Variants in MCTP1 observed in about 807,000 individuals in gnomAD.
The protein encoded by MCTP1 is multiple C2 and transmembrane domain containing 1.
A neutral mutation model predicts 120.6 loss-of-function variants in MCTP1; 69 were observed. The observed-to-expected ratio is 0.57, with a 90% CI of 0.47 to 0.70. MCTP1 has a LOEUF of 0.70. MCTP1 is among the 30% of genes least tolerant of loss of function. MCTP1 has a pLI of 0.00. For synonymous variants in MCTP1, 529 were observed against 493.1 expected, an observed-to-expected ratio of 1.07 and a Z score of -0.96; for missense variants, 1,203 against 1,248.8, an observed-to-expected ratio of 0.96 and a Z score of 0.55.
At chr5:95,240,232 A>G (rs975283057) in intron 1 of MCTP1, among the ~76,000 whole-genome samples, 22 of 152,266 alleles carry the variant, frequency 1.4e-4, no homozygotes, top group African/African-American at 5.1e-4. Flanking sequence ...ACATAAAAAT[A>G]ACATAAGGCT....
At chr5:95,044,777 G>A (rs945749263) in intron 1 of MCTP1, among the ~76,000 whole-genome samples, 3 of 151,660 alleles carry the variant, frequency 2.0e-5, no homozygotes, top group Admixed American at 6.6e-5. Flanking sequence ...CTTGCAAAAC[G>A]TGTCTTCACT....
intron 1 of MCTP1, among the ~76,000 whole-genome samples, chr5:95,129,224 C>A (rs1469319676): frequency 5.3e-5 from 8 of 152,130 alleles, no homozygotes; most frequent in Admixed American, 2.0e-4. Context: ...GCACTGGGGG[C>A]AAAAATCAAG....
intron 2 of MCTP1, among the ~76,000 whole-genome samples, chr5:94,971,088 T>C (rs1432755154): frequency 1.3e-5 from 2 of 152,116 alleles, no homozygotes; most frequent in Non-Finnish European, 2.9e-5. Context: ...TCTACATGTC[T>C]ACAAGAACTA....
At chr5:94,764,343 A>G (rs1475648622) in intron 19 of MCTP1, among the ~76,000 whole-genome samples, 2 of 152,208 alleles carry the variant, frequency 1.3e-5, no homozygotes, top group Non-Finnish European at 2.9e-5. Context: ...AACCTAATTG[A>G]TAAGAGCCCA....
At chr5:95,119,369 A>G (rs921722820) in intron 1 of MCTP1, among the ~76,000 whole-genome samples, 3 of 152,164 alleles carry the variant, frequency 2.0e-5, no homozygotes, top group African/African-American at 7.2e-5. Context: ...ACCAAAACCT[A>G]TGGGATACAG....
At chr5:94,958,457 TA>T (rs201827581) in intron 2 of MCTP1, among the ~76,000 whole-genome samples, 2 of 151,966 alleles carry the variant, frequency 1.3e-5, no homozygotes, top group Non-Finnish European at 2.9e-5. Flanking sequence ...GAAAAACCCT[TA>T]AAAAAATCAA....
chr5:94,840,793 A>G (rs1271824024), intron 17 of MCTP1, among the ~76,000 whole-genome samples: 1 of 152,202 alleles, frequency 6.6e-6, no homozygotes, highest in Non-Finnish European at 1.5e-5. Context: ...CTAGACAACA[A>G]TATCTCCTAA....
At chr5:95,214,212 A>C (rs1468761011) in intron 1 of MCTP1, among the ~76,000 whole-genome samples, 1 of 152,294 alleles carries the variant, frequency 6.6e-6, no homozygotes, top group African/African-American at 2.4e-5. Flanking sequence ...AAGGATATGA[A>C]CAGACACTTC....
intron 8 of MCTP1, among the ~76,000 whole-genome samples, chr5:94,917,190 A>G (rs1274406116): frequency 1.3e-5 from 2 of 152,220 alleles, no homozygotes; most frequent in African/African-American, 2.4e-5. Context: ...TCACTTATTG[A>G]GCACCTAAAG....
intron 1 of MCTP1, among the ~76,000 whole-genome samples, chr5:95,187,357 A>G (rs1749319418): frequency 6.6e-6 from 1 of 152,176 alleles, no homozygotes; most frequent in Non-Finnish European, 1.5e-5. Flanking sequence ...ACCCAGAAAG[A>G]CAAACATCAT....
chr5:95,052,812 AATT>A (rs1746357364), intron 1 of MCTP1, among the ~76,000 whole-genome samples: 1 of 152,206 alleles, frequency 6.6e-6, no homozygotes, highest in Admixed American at 6.5e-5. Context: ...TAAACGTTTA[AATT>A]TCATTAAGCT....
rs531185665 is a variant in MCTP1, at chr5:95,043,694, T to A, written c.721-26210A>T. Among the ~76,000 whole-genome samples, 13 of 152,334 alleles carry A rather than the reference T, an allele frequency of 8.5e-5. No individual in the cohort carries two copies. The South Asian group carries it at 1.9e-3, about 22-fold the overall frequency. ...TAATTACTAGTGAGACTGTCTTTCCTGTCTATTTGCCATTAATCTGTATTT... is the reference window on the plus strand; with the variant it reads ...TAATTACTAGTGAGACTGTCTTTCCAGTCTATTTGCCATTAATCTGTATTT... On this transcript the variant is annotated intron_variant, in intron 1 of 22. Coordinates refer to ENST00000515393, the MANE Select transcript of MCTP1 (RefSeq NM_024717.7).
intron 1 of MCTP1, among the ~76,000 whole-genome samples, chr5:95,111,084 A>G (rs1467440865): frequency 6.6e-6 from 1 of 152,212 alleles, no homozygotes; most frequent in Non-Finnish European, 1.5e-5. Context: ...AATACACAAG[A>G]TCCTAAAACA....
intron 7 of MCTP1, among the ~76,000 whole-genome samples, chr5:94,923,050 G>A (rs925454526): frequency 1.4e-5 from 2 of 144,494 alleles, no homozygotes; most frequent in African/African-American, 5.1e-5. Context: ...TGGTAAGGAT[G>A]AATAAATGTG....
At chr5:95,010,370 G>T (rs1027326106) in intron 2 of MCTP1, among the ~76,000 whole-genome samples, 5 of 151,918 alleles carry the variant, frequency 3.3e-5, no homozygotes, top group African/African-American at 1.2e-4. Context: ...CATGACTGCA[G>T]TGCTTCCTAG....
chr5:94,843,357 G>A (rs1009662509), intron 17 of MCTP1, among the ~76,000 whole-genome samples: 3 of 152,138 alleles, frequency 2.0e-5, no homozygotes, highest in East Asian at 3.8e-4. Flanking sequence ...GATTACAATC[G>A]TGTGTATGTG....
chr5:95,240,082 T>C (rs1279940559), intron 1 of MCTP1, among the ~76,000 whole-genome samples: 1 of 152,226 alleles, frequency 6.6e-6, no homozygotes, highest in Non-Finnish European at 1.5e-5. Flanking sequence ...TTTATTTACA[T>C]ACAAATTTCA....
At chr5:95,128,291 C>T (rs541108749) in intron 1 of MCTP1, among the ~76,000 whole-genome samples, 2 of 152,218 alleles carry the variant, frequency 1.3e-5, no homozygotes, top group South Asian at 4.1e-4. Flanking sequence ...TCTTCAATGG[C>T]TAGATATAGA....
At chr5:94,769,742 A>AT (rs1405142476) in intron 19 of MCTP1, among the ~76,000 whole-genome samples, 2 of 152,126 alleles carry the variant, frequency 1.3e-5, no homozygotes, top group Non-Finnish European at 2.9e-5. Context: ...ACTTTACTTG[A>AT]TTTTGGATTT....
Sources: allele counts gnomAD v4.1 joint callset (sites outside exome capture counted in the v4.1 genomes callset), GRCh38; gene constraint gnomAD v4.1.1; transcripts MANE v1.5; gene names NCBI Gene and HGNC (gene_info 2026-07-23, HGNC 2026-07-21).